The following GOLGA2 variants were observed in gnomAD, a reference collection of about 807,000 sequenced individuals.
GOLGA2 encodes the protein golgin A2.
GOLGA2 carries 49 observed loss-of-function variants against 148.8 expected under a neutral mutation model. The ratio of observed to expected loss-of-function variants is 0.33; its 90% CI spans 0.26 to 0.42. The LOEUF is 0.42. Ranked by LOEUF, GOLGA2 falls within the 10% of genes least tolerant of loss-of-function variation. GOLGA2 has a pLI of 1.00. For missense variants in GOLGA2, 1,178 were observed against 1,304.6 expected, an observed-to-expected ratio of 0.90 and a Z score of 1.49; for synonymous variants, 501 against 511.8, an observed-to-expected ratio of 0.98 and a Z score of 0.28.
chr9:128,261,120 CACAACCCTCTG>C lies in GOLGA2; in HGVS notation c.1420+41_1420+51del. 1 of 1,275,076 alleles carries C rather than the reference CACAACCCTCTG, an allele frequency of 7.8e-7. No homozygotes were observed. Among genetic ancestry groups the C allele is most frequent in the Non-Finnish European group, 1.1e-6 (1 of 871,240 alleles). The allele number at this position is 1,275,076 out of a possible 1,614,324, so 79.0% of individuals were successfully genotyped here. On this transcript the variant is annotated intron_variant, in intron 17 of 26. Coordinates refer to ENST00000611957, the MANE Select transcript of GOLGA2 (RefSeq NM_001366244.2). The surrounding 1 kb of genome is among the most constrained non-coding windows in gnomAD (Gnocchi z 5.7). ...TCCCTGGGGCATTCTAAACCACCCCCACAACCCTCTGACACCATTCCTGCTCCCAGGTCACC... is the reference window on the plus strand; with the variant it reads ...TCCCTGGGGCATTCTAAACCACCCCCACACCATTCCTGCTCCCAGGTCACC...
At position 128,258,741 on chromosome 9, in the gene GOLGA2, T is replaced by C; in HGVS notation, c.2174-171A>G. On this transcript the variant is annotated intron_variant, in intron 21 of 26. Transcript: ENST00000611957. This position sits in a 1 kb window ranked among gnomAD's most constrained non-coding sequence, Gnocchi z 6.6. Reference sequence around the variant, plus strand: ...TTTAAGAGCCAAGGGCTCGCTATGCTGCCCAGGTGCAGTCCCACTACCGAT... The same window carrying C: ...TTTAAGAGCCAAGGGCTCGCTATGCCGCCCAGGTGCAGTCCCACTACCGAT... 1.6e-6 allele frequency: 1 copy of C among 622,576 alleles called. No individual in the cohort carries two copies. The highest frequency in any genetic ancestry group is 2.7e-5 in the East Asian group (1 of 36,478). 38.6% of individuals were successfully genotyped at this position (622,576 alleles called of 1,614,324 possible). A position where few individuals can be genotyped will look rare whatever the true frequency, so the allele number is the denominator to read the frequency against.
Position 128,257,299 on chromosome 9 carries a change from C to G in GOLGA2, c.2876-18G>C, listed in dbSNP as rs1564361322. 1 of 1,611,982 alleles carries G rather than the reference C, an allele frequency of 6.2e-7. No homozygotes were observed. Among genetic ancestry groups the G allele is most frequent in the Non-Finnish European group, 8.5e-7 (1 of 1,179,080 alleles). On this transcript the variant is annotated intron_variant, in intron 26 of 26. Transcript: ENST00000611957. This position sits in a 1 kb window ranked among gnomAD's most constrained non-coding sequence, Gnocchi z 8.0. ...GCAAAGATCTTTGGAGAGAGAGAGGCAGGGCTCTGAGTGCCACGCGAGCCC... is the reference window on the plus strand; with the variant it reads ...GCAAAGATCTTTGGAGAGAGAGAGGGAGGGCTCTGAGTGCCACGCGAGCCC...
chr9:128,273,528 A>G, intron 2 of GOLGA2: 1 of 468,590 alleles, frequency 2.1e-6, no homozygotes. Flanking sequence ...AGATGAGGAA[A>G]ATGAAACAGC....
At chr9:128,267,902 C>CA in intron 6 of GOLGA2, 32 bp downstream of exon 6, 22 of 1,525,638 alleles carry the variant, frequency 1.4e-5, no homozygotes, top group Non-Finnish European at 2.0e-5. Context: ...CCCTTCCCCC[C>CA]ACCCCGCTCT....
rs1302824714 is a variant in GOLGA2 at position 128,257,430 on chromosome 9, A to G, written c.2814T>C (p.Ala938=). The change falls in exon 26 of 27, where the codon GCT becomes GCC. Residue 938 remains alanine (A), a synonymous_variant. Coordinates refer to ENST00000611957, the MANE Select transcript of GOLGA2 (RefSeq NM_001366244.2). This position sits in a 1 kb window ranked among gnomAD's most constrained non-coding sequence, Gnocchi z 8.0. ...GRFLAAAQNP[A]DEPTSGAPAP... is the part of the protein sequence containing the mutation. ...CTGGGGCCCCTGAAGTGGGCTCATC[A>G]GCAGGGTTCTGGGCAGCTGCCAGGA... 1 of 1,612,912 alleles carries G rather than the reference A, an allele frequency of 6.2e-7. No individual in the cohort carries two copies.
chr9:128,262,474 G>A, intron 14 of GOLGA2, 89 bp downstream of exon 14: 1 of 1,303,656 alleles, frequency 7.7e-7, no homozygotes, highest in Non-Finnish European at 1.1e-6. Flanking sequence ...CCAGCTCTTG[G>A]CTGGAGTCTC....
intron 3 of GOLGA2, among the ~76,000 whole-genome samples, chr9:128,269,506 C>A (rs2131376877): frequency 6.6e-6 from 1 of 152,266 alleles, no homozygotes; most frequent in Admixed American, 6.5e-5. Context: ...TGAGGACAAT[C>A]CTAGGATTCA....
chr9:128,260,841 CA>C lies in GOLGA2; in HGVS notation c.1421-40del, dbSNP rs754386143. ...CAGACAATAAAAGCCTCTGGATTCT[CA>C]AAAAAACCCTCCTCTTGGTCCATAC... On this transcript the variant is annotated intron_variant, in intron 17 of 26. Coordinates refer to ENST00000611957, the MANE Select transcript of GOLGA2 (RefSeq NM_001366244.2). The surrounding 1 kb of genome is among the most constrained non-coding windows in gnomAD (Gnocchi z 4.8). 23 of 1,396,786 alleles carry C rather than the reference CA, an allele frequency of 1.6e-5. No homozygotes were observed. Among genetic ancestry groups the C allele is most frequent in the African/African-American group, 5.7e-5 (4 of 69,746 alleles). 86.5% of individuals were successfully genotyped at this position (1,396,786 alleles called of 1,614,324 possible).
At chr9:128,263,383 T>C (rs1300530661) in intron 12 of GOLGA2, among the ~76,000 whole-genome samples, 1 of 152,190 alleles carries the variant, frequency 6.6e-6, no homozygotes, top group African/African-American at 2.4e-5. Flanking sequence ...CCTGAGTAGC[T>C]GGGACTATAG....
Position 128,259,277 on chromosome 9 carries a change from G to C in GOLGA2, c.1987C>G (p.Leu663Val), listed in dbSNP as rs1830104672. ...YQQLTSEKEV[L>V]HNQLLLQTQL... ...GTCTGCAGCAGTAGCTGATTATGCA[G>C]CACCTCCTTCTCAGAGGTCAGCTGC... is the stretch of plus-strand genomic sequence containing the variant. The change falls in exon 20 of 27, where the codon CTG becomes GTG. Residue 663 changes from leucine to valine, a missense_variant. This residue lies in a region of GOLGA2 where 529 missense variants were observed against 521.8 expected (regional missense o/e 1.01). Transcript: ENST00000611957. The C allele has an allele frequency of 6.2e-7, 1 of 1,611,776 alleles. No individual in the cohort carries two copies. The highest frequency in any genetic ancestry group is 1.1e-5 in the South Asian group (1 of 90,878).
In GOLGA2 at chr9:128,259,231, T is replaced by C. The variant is rs2131336355; in HGVS notation, c.2033A>G (p.Gln678Arg). The C allele has an allele frequency of 6.3e-7, 1 of 1,595,712 alleles. No individual in the cohort carries two copies. Among genetic ancestry groups the C allele is most frequent in the East Asian group, 2.2e-5 (1 of 44,824 alleles). Residue 678 changes from glutamine to arginine, a missense_variant, in exon 20 of 27, where the codon CAG (glutamine) becomes CGG (arginine). Physicochemically the swap from Gln to Arg is conservative, Grantham distance 43 (BLOSUM62 1). Transcript: ENST00000611957. ...CGCTTTGCCCTGAGCTTCCTGCTGCTGCAGCTGGTCCACGAGCTGGGTCTG... is the reference window on the plus strand; with the variant it reads ...CGCTTTGCCCTGAGCTTCCTGCTGCCGCAGCTGGTCCACGAGCTGGGTCTG... ...LLQTQLVDQL[Q>R]QQEAQGKAVA...
At chr9:128,262,767 C>T (rs1830350620) in intron 13 of GOLGA2, 63 bp from the exon 14 acceptor site, 2 of 1,471,416 alleles carry the variant, frequency 1.4e-6, no homozygotes. Flanking sequence ...TTTGGTGATC[C>T]ACCCTCTACC....
At chr9:128,275,854 TG>T in intron 1 of GOLGA2, 38 bp downstream of exon 1, 1 of 1,082,342 alleles carries the variant, frequency 9.2e-7, no homozygotes, top group South Asian at 1.4e-5. Flanking sequence ...GGAGTGGGGC[TG>T]GGGCTGGGTC....
At chr9:128,259,996 G>C in intron 19 of GOLGA2, 80 bp downstream of exon 19, 5 of 969,056 alleles carry the variant, frequency 5.2e-6, no homozygotes, top group Non-Finnish European at 6.6e-6. Context: ...CCCCAGGCTG[G>C]AGCTGCCTCT....
rs781181866 is a variant in GOLGA2 at position 128,273,902 on chromosome 9, T to C, written c.155A>G (p.Asn52Ser). 1.2e-6 allele frequency: 2 copies of C among 1,613,848 alleles called. No homozygotes were observed. The highest frequency in any genetic ancestry group is 4.5e-5 in the East Asian group (2 of 44,880). Residue 52 changes from asparagine (N) to serine (S), a missense_variant, in exon 2 of 27, where the codon AAT (asparagine) becomes AGT (serine). Coordinates refer to ENST00000611957, the MANE Select transcript of GOLGA2 (RefSeq NM_001366244.2). ...AGTGGTTGTCTCAGGGTTACTGCCATTTTTTATTTTCTTCTTCTTTTTCGC... is the reference window on the plus strand; with the variant it reads ...AGTGGTTGTCTCAGGGTTACTGCCACTTTTTATTTTCTTCTTCTTTTTCGC... ...TGAKKKKKIKNGSNPETTTSG... is the reference protein window; with the variant it reads ...TGAKKKKKIKSGSNPETTTSG...
Position 128,261,657 on chromosome 9 carries a change from C to A in GOLGA2, c.1224+11G>T, listed in dbSNP as rs1158681134. On this transcript the variant is annotated intron_variant, in intron 15 of 26. Coordinates refer to ENST00000611957, the MANE Select transcript of GOLGA2 (RefSeq NM_001366244.2). The surrounding 1 kb of genome is among the most constrained non-coding windows in gnomAD (Gnocchi z 5.7). ...ATCTTCCTTCTACATCCCTCCCCTG[C>A]AAAGCCTCACCTGCCCCAGGTGTGC... 2 of 1,595,868 alleles carry A rather than the reference C, an allele frequency of 1.3e-6. No homozygotes were observed. Among genetic ancestry groups the A allele is most frequent in the Non-Finnish European group, 1.7e-6 (2 of 1,163,330 alleles).
chr9:128,257,195 G>A lies in GOLGA2; in HGVS notation c.2962C>T (p.Gln988Ter). The A allele has an allele frequency of 6.2e-7, 1 of 1,614,022 alleles. No individual in the cohort carries two copies. The highest frequency in any genetic ancestry group is 2.2e-5 in the East Asian group (1 of 44,886). The change falls in exon 27 of 27, where the codon CAG becomes TAG. Residue 988 changes from glutamine to a stop codon, truncating the protein, a stop_gained. Coordinates refer to ENST00000611957, the MANE Select transcript of GOLGA2 (RefSeq NM_001366244.2). LOFTEE classifies it high-confidence loss of function. This position sits in a 1 kb window ranked among gnomAD's most constrained non-coding sequence, Gnocchi z 8.0. ...TCACGAAGCAGCTGCATGATCTGCTGTGCAGTGGGGTTGTCACGGGGAGAA... is the reference window on the plus strand; with the variant it reads ...TCACGAAGCAGCTGCATGATCTGCTATGCAGTGGGGTTGTCACGGGGAGAA... ...EGSPRDNPTA[Q>*]QIMQLLREMQ...
intron 1 of GOLGA2, chr9:128,275,631 G>C (rs7034524): frequency 5.7e-6 from 4 of 705,244 alleles, no homozygotes; most frequent in Non-Finnish European, 8.8e-6. Flanking sequence ...TCGGACTTCG[G>C]GGGGCAGGAG....
chr9:128,260,792 CG>C lies in GOLGA2; in HGVS notation c.1430del (p.Pro477ArgfsTer44). 1 of 1,603,930 alleles carries C rather than the reference CG, an allele frequency of 6.2e-7. No homozygotes were observed. Among genetic ancestry groups the C allele is most frequent in the Non-Finnish European group, 8.5e-7 (1 of 1,175,030 alleles). The stretch of plus-strand genomic sequence containing the variant: ...AGGGCCCTGCTGGGGGCTCTGGGGG[CG>C]GGGGTTCAGCTGAGAAAGGACGCAG... ...AELRNQMAEP[P>X]PPEPPAGPSE... On this transcript the variant is annotated frameshift_variant, in exon 18 of 27. Transcript: ENST00000611957. LOFTEE classifies it high-confidence loss of function. The surrounding 1 kb of genome is among the most constrained non-coding windows in gnomAD (Gnocchi z 4.8).
Sources: allele counts gnomAD v4.1 joint callset (sites outside exome capture counted in the v4.1 genomes callset), GRCh38; gene constraint gnomAD v4.1.1; regional missense constraint gnomAD v4.1.1; non-coding constraint Gnocchi (gnomAD v3.1); transcripts MANE v1.5; gene names NCBI Gene and HGNC (gene_info 2026-07-23, HGNC 2026-07-21).